Variants in GARS1 observed in about 807,000 individuals in gnomAD.
GARS1 encodes glycine--tRNA ligase.
GARS1 carries 46 observed loss-of-function variants against 86.4 expected under a neutral mutation model. The observed-to-expected ratio is 0.53, with a 90% CI of 0.42 to 0.68. GARS1 has a LOEUF of 0.68. GARS1 is among the 30% of genes least tolerant of loss of function. The pLI is 0.00. For synonymous variants in GARS1, 342 were observed against 329.8 expected (o/e 1.04, Z -0.40); for missense variants, 797 against 915.6 (o/e 0.87, Z 1.67).
chr7:30,618,508 C>T lies in GARS1; in HGVS notation c.1359+1230C>T, dbSNP rs117131285. On this transcript the variant is annotated intron_variant, in intron 10 of 16. Transcript: ENST00000389266. ...AATTAGCCAGGTGTGATAGCACGCCCCTGTAGTTTCAGCTACTTGGGAGGC... is the reference window on the plus strand; with the variant it reads ...AATTAGCCAGGTGTGATAGCACGCCTCTGTAGTTTCAGCTACTTGGGAGGC... Among the ~76,000 whole-genome samples the T allele has an allele frequency of 7.0e-3, 1,070 of 152,240 alleles. 8 individuals are homozygous for T. Among genetic ancestry groups the T allele is most frequent in the Middle Eastern group, 0.014 (4 of 292 alleles).
In GARS1 at chr7:30,612,120, G is replaced by C. The variant is rs771835056; in HGVS notation, c.906G>C (p.Gln302His). Residue 302 changes from glutamine (Q) to histidine (H), a missense_variant, in exon 8 of 17, where the codon CAG becomes CAC. Gln to His is a conservative substitution (Grantham distance 24, BLOSUM62 0). This residue lies in a region of GARS1 where 598 missense variants were observed against 738.7 expected (regional missense o/e 0.81). Coordinates refer to ENST00000389266, the MANE Select transcript of GARS1 (RefSeq NM_002047.4). ...GGTACTTGAGACCAGAAACTGCACAGGGGATTTTCTTGAATTTCAAACGAC... is the reference window on the plus strand; with the variant it reads ...GGTACTTGAGACCAGAAACTGCACACGGGATTTTCTTGAATTTCAAACGAC... ...MPGYLRPETA[Q>H]GIFLNFKRLL... 2 of 1,614,042 alleles carry C rather than the reference G, an allele frequency of 1.2e-6. No homozygotes were observed. Among genetic ancestry groups the C allele is most frequent in the Non-Finnish European group, 1.7e-6 (2 of 1,179,934 alleles).
rs753444153 is a variant in GARS1 at position 30,603,046 on chromosome 7, T to C, written c.582T>C (p.His194=). 6.8e-6 allele frequency: 11 copies of C among 1,613,504 alleles called. No homozygotes were observed. The highest frequency in any genetic ancestry group is 2.7e-5 in the African/African-American group (2 of 74,918). ...TPEPVLKTSG[H]VDKFADFMVK... The stretch of plus-strand genomic sequence containing the variant: ...TTTGTTAATTTAGGACCTCTGGCCA[T>C]GTAGACAAATTTGCTGACTTCATGG... The change falls in exon 5 of 17, where the codon CAT becomes CAC. Residue 194 remains histidine, a synonymous_variant. Coordinates refer to ENST00000389266, the MANE Select transcript of GARS1 (RefSeq NM_002047.4).
chr7:30,620,696 T>C (rs1782985924), intron 10 of GARS1, among the ~76,000 whole-genome samples: 1 of 152,250 alleles, frequency 6.6e-6, no homozygotes, highest in Non-Finnish European at 1.5e-5. Flanking sequence ...TTTTATTGTG[T>C]GACCTGAACT....
At chr7:30,614,832 C>T (rs1165288852) in intron 8 of GARS1, among the ~76,000 whole-genome samples, 2 of 149,248 alleles carry the variant, frequency 1.3e-5, no homozygotes, top group Non-Finnish European at 3.0e-5. Context: ...GCCGAGATCG[C>T]GCCACTGCAC....
At chr7:30,610,753 G>A (rs79259887) in intron 7 of GARS1, among the ~76,000 whole-genome samples, 3,985 of 152,282 alleles carry the variant, frequency 0.026, 155 homozygotes, top group East Asian at 0.17. Flanking sequence ...TAAATTGAAA[G>A]TAGAAATAAC....
Position 30,617,246 on chromosome 7 carries a change from G to T in GARS1, c.1327G>T (p.Asp443Tyr), listed in dbSNP as rs1782906992. ...GAATGAGATGGCCCATTATGCCTGTGACTGTTGGGATGCAGAATCCAAAAC... is the reference window on the plus strand; with the variant it reads ...GAATGAGATGGCCCATTATGCCTGTTACTGTTGGGATGCAGAATCCAAAAC... ...MENEMAHYACDCWDAESKTSY... is the reference protein window; with the variant it reads ...MENEMAHYACYCWDAESKTSY... The change falls in exon 10 of 17, where the codon GAC becomes TAC. Residue 443 changes from aspartate (D) to tyrosine (Y), a missense_variant. Asp to Tyr is a radical substitution (Grantham distance 160, BLOSUM62 -3). Coordinates refer to ENST00000389266, the MANE Select transcript of GARS1 (RefSeq NM_002047.4). The T allele has an allele frequency of 1.2e-6, 2 of 1,613,976 alleles. No homozygotes were observed. The highest frequency in any genetic ancestry group is 1.7e-6 in the Non-Finnish European group (2 of 1,179,872).
intron 6 of GARS1, among the ~76,000 whole-genome samples, chr7:30,605,819 T>G (rs529119173): frequency 4.5e-4 from 69 of 152,342 alleles, no homozygotes; most frequent in African/African-American, 1.5e-3. Context: ...TTGGGAAATG[T>G]TAATAATTTA....
chr7:30,622,896 C>T (rs890057503), intron 12 of GARS1, among the ~76,000 whole-genome samples: 11 of 151,834 alleles, frequency 7.2e-5, no homozygotes, highest in African/African-American at 2.2e-4. Flanking sequence ...GTCAGGAGAT[C>T]GAGACCATCC....
chr7:30,595,003 C>T lies in GARS1; in HGVS notation c.82C>T (p.Pro28Ser). 6.3e-7 allele frequency: 1 copy of T among 1,588,418 alleles called. No homozygotes were observed. The highest frequency in any genetic ancestry group is 8.5e-7 in the Non-Finnish European group (1 of 1,175,032). ...GCTGCCGCCCCGGCTCTTAGCCCGA[C>T]CCTCGCTCCTGCTCCGCCGGTCCCT... ...LLLPPRLLARPSLLLRRSLSA... is the reference protein window; with the variant it reads ...LLLPPRLLARSSLLLRRSLSA... The change falls in exon 1 of 17, where the codon CCC becomes TCC. Residue 28 changes from proline to serine, a missense_variant. By Grantham distance (74) the Pro-to-Ser change is moderately conservative. Transcript: ENST00000389266.
chr7:30,599,892 G>A (rs767572296), intron 2 of GARS1, 55 bp from the exon 3 acceptor site: 2 of 1,138,570 alleles, frequency 1.8e-6, no homozygotes, highest in Admixed American at 1.8e-5. Context: ...AGATATATAA[G>A]TTCAGATTCC....
At chr7:30,625,217 T>C (rs932847736) in intron 12 of GARS1, among the ~76,000 whole-genome samples, 4 of 152,234 alleles carry the variant, frequency 2.6e-5, no homozygotes, top group Admixed American at 6.5e-5. Context: ...GTGCTGGGAT[T>C]ACAGGTGTGA....
intron 13 of GARS1, among the ~76,000 whole-genome samples, chr7:30,626,642 C>A (rs535468949): frequency 1.3e-5 from 2 of 152,220 alleles, no homozygotes; most frequent in Non-Finnish European, 2.9e-5. Flanking sequence ...TGAGTGACCA[C>A]GCCTGGCCCT....
At chr7:30,595,903 T>C (rs1041925658) in intron 1 of GARS1, 3 of 471,020 alleles carry the variant, frequency 6.4e-6, no homozygotes, top group Admixed American at 2.3e-5. Context: ...ATCCTTAGTA[T>C]GGAATATTTT....
chr7:30,600,511 T>C (rs1463022687), intron 3 of GARS1, among the ~76,000 whole-genome samples: 1 of 152,194 alleles, frequency 6.6e-6, no homozygotes, highest in Non-Finnish European at 1.5e-5. Flanking sequence ...CATATGAAGG[T>C]ATATAGGCAA....
chr7:30,629,058 A>G (rs1455955046), intron 14 of GARS1, among the ~76,000 whole-genome samples: 1 of 152,164 alleles, frequency 6.6e-6, no homozygotes, highest in Non-Finnish European at 1.5e-5. Context: ...TACTCTGGTA[A>G]AGTATCAAAG....
intron 14 of GARS1, among the ~76,000 whole-genome samples, chr7:30,628,980 T>G (rs990822559): frequency 6.6e-6 from 1 of 152,222 alleles, no homozygotes; most frequent in African/African-American, 2.4e-5. Context: ...CTGGATATGC[T>G]GTGTTTCAGA....
At chr7:30,618,571 C>T (rs1220465657) in intron 10 of GARS1, among the ~76,000 whole-genome samples, 1 of 152,172 alleles carries the variant, frequency 6.6e-6, no homozygotes, top group Non-Finnish European at 1.5e-5. Context: ...GAGGTTGAGG[C>T]TGTAGTGAGC....
In GARS1 at chr7:30,626,306, G is replaced by T; in HGVS notation, c.1686G>T (p.Gln562His). Residue 562 changes from glutamine to histidine, a missense_variant, in exon 13 of 17, where the codon CAG becomes CAT. Physicochemically the swap from Gln to His is conservative, Grantham distance 24. Around this residue, in one of 2 missense-constraint regions of GARS1, gnomAD observed 598 missense variants for 738.7 expected, o/e 0.81. Transcript: ENST00000389266. ...TKDMINVKRF[Q>H]KTLYVEEVVP... ...ACATGATCAATGTGAAGAGATTCCA[G>T]AAAACACTATATGGTAAATTTGTAA... 1 of 1,575,866 alleles carries T rather than the reference G, an allele frequency of 6.3e-7. No individual in the cohort carries two copies.
At chr7:30,595,181 C>T in intron 1 of GARS1, 38 bp downstream of exon 1, 2 of 1,508,068 alleles carry the variant, frequency 1.3e-6, no homozygotes, top group South Asian at 1.2e-5. Context: ...GCCTCCGGCT[C>T]TCCTCCCAGG....
Sources: allele counts gnomAD v4.1 joint callset (sites outside exome capture counted in the v4.1 genomes callset), GRCh38; gene constraint gnomAD v4.1.1; regional missense constraint gnomAD v4.1.1; transcripts MANE v1.5; gene names NCBI Gene and HGNC (gene_info 2026-07-23, HGNC 2026-07-21).